The following TDRD3 variants were observed in gnomAD, a reference collection of about 807,000 sequenced individuals.
TDRD3 encodes tudor domain containing 3.
A neutral mutation model predicts 86.7 loss-of-function variants in TDRD3; 45 were observed. The observed-to-expected ratio is 0.52, with a 90% CI of 0.41 to 0.67. TDRD3 has a LOEUF of 0.67. Ranked by LOEUF, TDRD3 falls within the 30% of genes least tolerant of loss-of-function variation. The pLI, the probability that TDRD3 is intolerant of heterozygous loss-of-function variation, is 0.00. For missense variants in TDRD3, 814 were observed against 889.0 expected (o/e 0.92, Z 1.07); for synonymous variants, 298 against 301.7 (o/e 0.99, Z 0.13).
At chr13:60,522,280 A>G (rs1049165105) in intron 10 of TDRD3, among the ~76,000 whole-genome samples, 2 of 152,188 alleles carry the variant, frequency 1.3e-5, no homozygotes, top group Non-Finnish European at 2.9e-5. Flanking sequence ...TTAAGAATCA[A>G]ATAAAAACAA....
chr13:60,440,373 T>C (rs750268678), intron 2 of TDRD3, among the ~76,000 whole-genome samples: 1 of 151,862 alleles, frequency 6.6e-6, no homozygotes, highest in Non-Finnish European at 1.5e-5. Flanking sequence ...GTTATAAAAG[T>C]TGTTTGAAAT....
At chr13:60,420,967 C>T (rs1263921026) in intron 1 of TDRD3, among the ~76,000 whole-genome samples, 9 of 151,944 alleles carry the variant, frequency 5.9e-5, no homozygotes, top group Non-Finnish European at 1.2e-4. Context: ...ATCTGTTGAC[C>T]GTATTTTGTG....
chr13:60,550,023 C>T (rs1958013644), intron 12 of TDRD3, among the ~76,000 whole-genome samples: 1 of 151,998 alleles, frequency 6.6e-6, no homozygotes, highest in Non-Finnish European at 1.5e-5. Context: ...ATCATGAACA[C>T]TTGATCTCTT....
At chr13:60,471,082 A>G (rs527573589) in intron 5 of TDRD3, among the ~76,000 whole-genome samples, 1 of 152,250 alleles carries the variant, frequency 6.6e-6, no homozygotes, top group African/African-American at 2.4e-5. Flanking sequence ...CTAACATAAT[A>G]TGTTTTGCAA....
intron 12 of TDRD3, among the ~76,000 whole-genome samples, chr13:60,564,196 A>C (rs1958399038): frequency 6.6e-6 from 1 of 152,134 alleles, no homozygotes. Context: ...ATTTATTCTG[A>C]GTCAAATATG....
In TDRD3 at chr13:60,527,244, C is replaced by T. The variant is rs191210272; in HGVS notation, c.1142-1123C>T. Among the ~76,000 whole-genome samples, 204 of 152,280 alleles carry T rather than the reference C, an allele frequency of 1.3e-3. 2 individuals carry two copies. The highest frequency in any genetic ancestry group is 4.0e-3 in the East Asian group (21 of 5,192). ...AATTTACCAGATACCTTTTGGCCTC[C>T]AGTGGCTGTTTGGAAATGTTTGGGG... On this transcript the variant is annotated intron_variant, in intron 10 of 13. Coordinates refer to ENST00000377881, the MANE Select transcript of TDRD3 (RefSeq NM_001146070.2).
At chr13:60,437,648 A>G (rs1022032055) in intron 1 of TDRD3, among the ~76,000 whole-genome samples, 2 of 151,382 alleles carry the variant, frequency 1.3e-5, no homozygotes, top group Non-Finnish European at 2.9e-5. Flanking sequence ...TAATTAATCT[A>G]TTCTAGTTTA....
chr13:60,408,073 C>A (rs1429610099), intron 1 of TDRD3, among the ~76,000 whole-genome samples: 1 of 152,152 alleles, frequency 6.6e-6, no homozygotes, highest in Non-Finnish European at 1.5e-5. Context: ...TCTGAGGCCT[C>A]CCCACCCGTG....
intron 10 of TDRD3, among the ~76,000 whole-genome samples, chr13:60,526,526 T>C (rs929668158): frequency 2.0e-5 from 3 of 152,098 alleles, no homozygotes; most frequent in African/African-American, 7.2e-5. Flanking sequence ...TGACCATTTT[T>C]CTTCTCTCTA....
intron 12 of TDRD3, among the ~76,000 whole-genome samples, chr13:60,549,527 C>G (rs1225279966): frequency 6.6e-6 from 1 of 152,000 alleles, no homozygotes; most frequent in Non-Finnish European, 1.5e-5. Flanking sequence ...GATATTAATA[C>G]ATTAAATAGA....
chr13:60,427,707 A>G (rs1457309550), intron 1 of TDRD3, among the ~76,000 whole-genome samples: 1 of 152,190 alleles, frequency 6.6e-6, no homozygotes, highest in Non-Finnish European at 1.5e-5. Flanking sequence ...AAGCTAACCA[A>G]TAAGGTTCAC....
chr13:60,555,852 C>CTT lies in TDRD3; in HGVS notation c.2119-11658_2119-11657dup, dbSNP rs35001150. Among the ~76,000 whole-genome samples, 1,200 of 140,476 alleles carry CTT rather than the reference C, an allele frequency of 8.5e-3. 18 individuals carry two copies. Among genetic ancestry groups the CTT allele is most frequent in the African/African-American group, 0.029 (1,108 of 37,726 alleles). The allele number at this position is 140,476 out of a possible 152,430, so 92.2% of individuals were successfully genotyped here. A position where few individuals can be genotyped will look rare whatever the true frequency, so the allele number is the denominator to read the frequency against. On this transcript the variant is annotated intron_variant, in intron 12 of 13. Transcript: ENST00000377881. ...GGAAAAAAAACCAACCTATTTCTTT[C>CTT]TTTTTTTTTTTTTTTTGAGATGGAA...
rs112437520 is a variant in TDRD3, at chr13:60,513,835, C to A, written c.1141+3080C>A. Among the ~76,000 whole-genome samples, 5 of 152,304 alleles carry A rather than the reference C, an allele frequency of 3.3e-5. 1 individual carries two copies. Among genetic ancestry groups the A allele is most frequent in the South Asian group, 2.1e-4 (1 of 4,824 alleles). ...TGTGGAACTATAAGTCCCATAAACTCTTTTTCCTGTATAAATTACCCAGTC... is the reference window on the plus strand; with the variant it reads ...TGTGGAACTATAAGTCCCATAAACTATTTTTCCTGTATAAATTACCCAGTC... On this transcript the variant is annotated intron_variant, in intron 10 of 13. Transcript: ENST00000377881.
At chr13:60,468,964 T>G (rs1956014494) in intron 5 of TDRD3, among the ~76,000 whole-genome samples, 1 of 152,166 alleles carries the variant, frequency 6.6e-6, no homozygotes, top group Non-Finnish European at 1.5e-5. Flanking sequence ...TTTTGGTATT[T>G]TGTGATACAC....
At chr13:60,565,001 A>C (rs9538750) in intron 12 of TDRD3, among the ~76,000 whole-genome samples, 62,508 of 144,992 alleles carry the variant, frequency 0.43, 13,636 homozygotes, top group South Asian at 0.56. Context: ...ACAGATTGTG[A>C]CTCTGACAAT....
intron 4 of TDRD3, among the ~76,000 whole-genome samples, chr13:60,465,839 G>C (rs1358054174): frequency 6.6e-6 from 1 of 152,150 alleles, no homozygotes; most frequent in Non-Finnish European, 1.5e-5. Flanking sequence ...TTTATCCTAA[G>C]TATTTACCTT....
At chr13:60,446,107 G>C (rs1227819240) in intron 3 of TDRD3, among the ~76,000 whole-genome samples, 7 of 152,050 alleles carry the variant, frequency 4.6e-5, no homozygotes, top group Admixed American at 4.6e-4. Flanking sequence ...CTTTTCACAT[G>C]AAACAAAAAT....
chr13:60,413,811 AAT>A (rs1463355420), intron 1 of TDRD3, among the ~76,000 whole-genome samples: 2 of 152,072 alleles, frequency 1.3e-5, no homozygotes, highest in Non-Finnish European at 2.9e-5. Flanking sequence ...TTTAATCTCA[AAT>A]ATATATATCA....
At chr13:60,564,861 A>T (rs1958413235) in intron 12 of TDRD3, among the ~76,000 whole-genome samples, 1 of 152,132 alleles carries the variant, frequency 6.6e-6, no homozygotes, top group Non-Finnish European at 1.5e-5. Context: ...GCTGTGTGTT[A>T]AATAAAGAGG....
Sources: gnomAD v4.1 joint callset for allele counts (sites outside exome capture counted in the v4.1 genomes callset) on GRCh38, gnomAD v4.1.1 for gene constraint, MANE v1.5 for transcripts, NCBI Gene and HGNC (gene_info 2026-07-23, HGNC 2026-07-21) for gene names.